PSD3: variants seen among roughly 807,000 people sequenced by gnomAD.
PSD3 encodes the protein PH and SEC7 domain-containing protein 3.
A neutral mutation model predicts 105.5 loss-of-function variants in PSD3; 49 were observed. The observed-to-expected ratio is 0.46, with a 90% CI of 0.37 to 0.59. PSD3 has a LOEUF of 0.59. Among genes scored for constraint, PSD3 ranks in the 20% least tolerant of loss-of-function variants. The pLI is 0.00. For synonymous variants in PSD3, 557 were observed against 457.8 expected (o/e 1.22, Z -2.77); for missense variants, 1,561 against 1,263.8 (o/e 1.24, Z -3.57).
intron 2 of PSD3, among the ~76,000 whole-genome samples, chr8:18,924,053 T>C (rs1459997168): frequency 2.0e-5 from 3 of 152,142 alleles, no homozygotes; most frequent in East Asian, 1.9e-4. Context: ...TATCTTAGTA[T>C]ATAAAACACC....
intron 8 of PSD3, among the ~76,000 whole-genome samples, chr8:18,784,892 C>G (rs777711733): frequency 6.6e-6 from 1 of 152,124 alleles, no homozygotes; most frequent in Non-Finnish European, 1.5e-5. Flanking sequence ...AATCAATGGT[C>G]AGTGGTATTA....
At chr8:18,600,506 AT>A in intron 11 of PSD3, 72 bp from the exon 12 acceptor site, 1 of 1,225,866 alleles carries the variant, frequency 8.2e-7, no homozygotes, top group Non-Finnish European at 1.2e-6. Flanking sequence ...AATGATCAAC[AT>A]GGTGACAGTG....
rs370511814 is a variant in PSD3 at position 18,684,785 on chromosome 8, G to A, written c.2173-29100C>T. ...GTTAACTTTCAATATGGCACAGAGT[G>A]AGAGCAATAAAGCTAACTCCGGGCA... On this transcript the variant is annotated intron_variant, in intron 9 of 15. Transcript: ENST00000327040. Among the ~76,000 whole-genome samples, 385 of 152,292 alleles carry A rather than the reference G, an allele frequency of 2.5e-3. 1 individual carries two copies. Among genetic ancestry groups the A allele is most frequent in the Non-Finnish European group, 4.6e-3 (312 of 68,026 alleles).
At chr8:18,807,823 T>C (rs1445039480) in intron 4 of PSD3, among the ~76,000 whole-genome samples, 4 of 152,206 alleles carry the variant, frequency 2.6e-5, no homozygotes, top group African/African-American at 7.2e-5. Context: ...TAACATTACA[T>C]GGCTGGGTGT....
chr8:18,872,452 G>C lies in PSD3; in HGVS notation c.412C>G (p.Leu138Val). 2 of 1,614,168 alleles carry C rather than the reference G, an allele frequency of 1.2e-6. No homozygotes were observed. Residue 138 changes from leucine to valine, a missense_variant, in exon 3 of 16, where the codon CTG becomes GTG. Transcript: ENST00000327040. ...ATGATTCTGGCTTCTGTGGCTTTCA[G>C]AGCTGAAATCAAAGAGTCAATGGGC... ...LQPIDSLISA[L>V]KATEARIISG...
intron 9 of PSD3, among the ~76,000 whole-genome samples, chr8:18,681,446 C>CAAAAA (rs528679351): frequency 4.4e-4 from 27 of 62,058 alleles, no homozygotes; most frequent in Non-Finnish European, 6.0e-4. Context: ...GTTTCTGTTT[C>CAAAAA]AAAAAAAAAA....
rs1799551611 is a variant in PSD3 at position 18,529,594 on chromosome 8, CT to C, written c.*6148del. On this transcript the variant is annotated 3_prime_UTR_variant, in exon 16 of 16. Coordinates refer to ENST00000327040, the MANE Select transcript of PSD3 (RefSeq NM_015310.4). Reference sequence around the variant, plus strand: ...ACTGTCCCCTAAGCTTCAATTTGGTCTAATTACTCTTGTTCCTACAGTTTTA... The same window carrying C: ...ACTGTCCCCTAAGCTTCAATTTGGTCAATTACTCTTGTTCCTACAGTTTTA... The C allele has an allele frequency of 6.6e-6, 1 of 152,664 alleles. No individual in the cohort carries two copies. Among genetic ancestry groups the C allele is most frequent in the South Asian group, 2.1e-4 (1 of 4,822 alleles). 9.5% of individuals were successfully genotyped at this position (152,664 alleles called of 1,614,324 possible).
At chr8:18,603,641 C>G (rs1466559521) in intron 11 of PSD3, among the ~76,000 whole-genome samples, 1 of 152,194 alleles carries the variant, frequency 6.6e-6, no homozygotes, top group African/African-American at 2.4e-5. Context: ...ATCTCATGTT[C>G]AGCTACAATC....
chr8:18,970,487 G>A (rs1824580639), intron 1 of PSD3, among the ~76,000 whole-genome samples: 1 of 152,056 alleles, frequency 6.6e-6, no homozygotes. Context: ...TAATTAGACT[G>A]TAATTTTTCT....
intron 2 of PSD3, among the ~76,000 whole-genome samples, chr8:18,929,787 C>G (rs2129468388): frequency 6.6e-6 from 1 of 151,802 alleles, no homozygotes; most frequent in Non-Finnish European, 1.5e-5. Flanking sequence ...CTCGATGAAG[C>G]AAAAATCCAG....
intron 11 of PSD3, among the ~76,000 whole-genome samples, chr8:18,616,690 C>G (rs1460645158): frequency 7.3e-6 from 1 of 136,238 alleles, no homozygotes; most frequent in African/African-American, 2.7e-5. Flanking sequence ...GTGGCGGGAT[C>G]TCGGCTCACT....
intron 11 of PSD3, among the ~76,000 whole-genome samples, chr8:18,621,165 C>G (rs1190505577): frequency 6.6e-6 from 1 of 152,060 alleles, no homozygotes; most frequent in African/African-American, 2.4e-5. Context: ...CCCAGCACTT[C>G]GGGAGGCTGA....
At chr8:18,662,304 G>C (rs560692835) in intron 9 of PSD3, among the ~76,000 whole-genome samples, 1 of 152,170 alleles carries the variant, frequency 6.6e-6, no homozygotes, top group African/African-American at 2.4e-5. Flanking sequence ...AGGTACAGAT[G>C]AATCTGTTCT....
chr8:19,008,231 G>A (rs952329853), intron 1 of PSD3, among the ~76,000 whole-genome samples: 3 of 151,684 alleles, frequency 2.0e-5, no homozygotes, highest in Non-Finnish European at 4.4e-5. Context: ...ATGAATCGGC[G>A]AAACATAAAA....
At chr8:18,785,520 C>T (rs1176063139) in intron 8 of PSD3, among the ~76,000 whole-genome samples, 1 of 152,130 alleles carries the variant, frequency 6.6e-6, no homozygotes, top group Non-Finnish European at 1.5e-5. Flanking sequence ...TGGTTGGATA[C>T]CCTATCTACA....
In PSD3 at chr8:18,544,056, T is replaced by C. The variant is rs113890537; in HGVS notation, c.2929-8098A>G. ...ATCCTCCTTACATTTCGTTTTCTCA[T>C]GCAGACAGGGCAAAAGGCCATCTTA... On this transcript the variant is annotated intron_variant, in intron 15 of 15. Coordinates refer to ENST00000327040, the MANE Select transcript of PSD3 (RefSeq NM_015310.4). Among the ~76,000 whole-genome samples the C allele has an allele frequency of 2.3e-3, 346 of 151,822 alleles. 2 individuals carry two copies. Among genetic ancestry groups the C allele is most frequent in the African/African-American group, 7.9e-3 (326 of 41,300 alleles).
chr8:18,675,820 G>C (rs984897769), intron 9 of PSD3, among the ~76,000 whole-genome samples: 2 of 152,146 alleles, frequency 1.3e-5, no homozygotes, highest in Non-Finnish European at 2.9e-5. Flanking sequence ...TTAACAAGCA[G>C]GAAGCCATCT....
chr8:18,658,498 A>AAAAT (rs1299753350), intron 9 of PSD3, among the ~76,000 whole-genome samples: 1 of 151,608 alleles, frequency 6.6e-6, no homozygotes, highest in Non-Finnish European at 1.5e-5. Flanking sequence ...GTTGTACATG[A>AAAAT]AAATATTAAT....
chr8:18,727,474 C>A (rs117891139), intron 9 of PSD3, among the ~76,000 whole-genome samples: 2,524 of 151,522 alleles, frequency 0.017, 39 homozygotes, highest in Non-Finnish European at 0.024. Flanking sequence ...TGTGCCACTG[C>A]ACTGCAGCCT....
Sources: gnomAD v4.1 joint callset for allele counts (sites outside exome capture counted in the v4.1 genomes callset) on GRCh38, gnomAD v4.1.1 for gene constraint, MANE v1.5 for transcripts, NCBI Gene and HGNC (gene_info 2026-07-23, HGNC 2026-07-21) for gene names.